DOCK9: variants seen among roughly 807,000 people sequenced by gnomAD.
DOCK9 encodes dedicator of cytokinesis protein 9.
DOCK9 carries 89 observed loss-of-function variants against 263.3 expected under a neutral mutation model. That is an observed-to-expected ratio of 0.34 (90% CI 0.28 to 0.40). DOCK9 has a LOEUF of 0.40. DOCK9 is among the 10% of genes least tolerant of loss of function. The probability of loss-of-function intolerance (pLI) is 1.00; values close to 1 mark genes in which losing one functional copy is unlikely to be tolerated. For synonymous variants in DOCK9, 976 were observed against 973.1 expected, an observed-to-expected ratio of 1.00 and a Z score of -0.06; for missense variants, 2,140 against 2,603.4, an observed-to-expected ratio of 0.82 and a Z score of 3.87.
intron 1 of DOCK9, among the ~76,000 whole-genome samples, chr13:99,051,923 C>CA (rs1182557186): frequency 7.1e-6 from 1 of 140,662 alleles, no homozygotes; most frequent in Admixed American, 7.0e-5. Flanking sequence ...AATTTGTTCA[C>CA]AAAAACACCA....
chr13:98,901,652 C>T, intron 13 of DOCK9, 126 bp downstream of exon 13: 1 of 1,083,214 alleles, frequency 9.2e-7, no homozygotes, highest in Non-Finnish European at 1.3e-6. Context: ...ATACAGGTAG[C>T]ATATTCTACA....
At chr13:98,948,247 G>C (rs564226727) in intron 2 of DOCK9, among the ~76,000 whole-genome samples, 3 of 152,250 alleles carry the variant, frequency 2.0e-5, no homozygotes, top group East Asian at 1.9e-4. Flanking sequence ...ACATTTTTCT[G>C]TACAATGCTG....
chr13:98,820,152 C>A (rs1726239310), intron 45 of DOCK9, among the ~76,000 whole-genome samples: 1 of 152,162 alleles, frequency 6.6e-6, no homozygotes, highest in Admixed American at 6.5e-5. Context: ...CCAATCAATA[C>A]CTACACTTGT....
intron 7 of DOCK9, among the ~76,000 whole-genome samples, chr13:98,918,592 A>G (rs1256558692): frequency 1.3e-5 from 2 of 152,226 alleles, no homozygotes; most frequent in Non-Finnish European, 2.9e-5. Context: ...TCCAAACGAC[A>G]GTGGAAACTA....
chr13:99,067,605 A>C (rs9554549), intron 1 of DOCK9, among the ~76,000 whole-genome samples: 25,537 of 152,198 alleles, frequency 0.17, 2,608 homozygotes, highest in East Asian at 0.43. Flanking sequence ...GAAAGGAATC[A>C]ACTCTGCAGC....
intron 1 of DOCK9, among the ~76,000 whole-genome samples, chr13:98,972,393 GT>G: frequency 6.8e-6 from 1 of 146,090 alleles, no homozygotes; most frequent in Non-Finnish European, 1.5e-5. Context: ...GTGGATTTTA[GT>G]TTTTAGTTTT....
At chr13:98,891,205 G>C (rs1332066256) in intron 15 of DOCK9, among the ~76,000 whole-genome samples, 4 of 152,138 alleles carry the variant, frequency 2.6e-5, no homozygotes, top group Non-Finnish European at 4.4e-5. Context: ...ATGATAGCTT[G>C]TGGAGCCTCT....
chr13:98,871,073 G>A (rs919789670), intron 27 of DOCK9, among the ~76,000 whole-genome samples: 1 of 152,182 alleles, frequency 6.6e-6, no homozygotes, highest in Non-Finnish European at 1.5e-5. Flanking sequence ...TATAGACTGG[G>A]TGTTAGATGA....
intron 2 of DOCK9, among the ~76,000 whole-genome samples, chr13:98,942,309 G>T (rs2056065541): frequency 6.6e-6 from 1 of 150,388 alleles, no homozygotes; most frequent in Non-Finnish European, 1.5e-5. Context: ...CGCGATCTTG[G>T]CTCACTGCAA....
chr13:98,802,242 G>A (rs1360013209), intron 49 of DOCK9, among the ~76,000 whole-genome samples: 2 of 152,208 alleles, frequency 1.3e-5, no homozygotes, highest in Admixed American at 1.3e-4. Context: ...TTTATCATCT[G>A]TCTCCTCTGG....
At chr13:99,029,916 T>C (rs1263242442) in intron 1 of DOCK9, among the ~76,000 whole-genome samples, 1 of 152,114 alleles carries the variant, frequency 6.6e-6, no homozygotes, top group Non-Finnish European at 1.5e-5. Flanking sequence ...ATAAACAAAA[T>C]GTGGTTTATC....
chr13:98,930,193 T>A lies in DOCK9; in HGVS notation c.308A>T (p.Glu103Val). Residue 103 changes from glutamate (E) to valine (V), a missense_variant, in exon 3 of 53, where the codon GAA becomes GTA. Transcript: ENST00000682017. Reference sequence around the variant, plus strand: ...CTCTGTAACAAACAAGCTCTGTGCTTCCTCTTCCGCCTTCGCAGGCACTGT... The same window carrying A: ...CTCTGTAACAAACAAGCTCTGTGCTACCTCTTCCGCCTTCGCAGGCACTGT... Reference protein sequence around the residue: ...CSTVPAKAEEEAQSLFVTECI... With the variant: ...CSTVPAKAEEVAQSLFVTECI... 6.2e-7 allele frequency: 1 copy of A among 1,611,696 alleles called. No individual in the cohort carries two copies. The highest frequency in any genetic ancestry group is 2.2e-5 in the East Asian group (1 of 44,858).
chr13:98,853,769 G>A (rs1363372378), intron 34 of DOCK9, among the ~76,000 whole-genome samples: 2 of 152,128 alleles, frequency 1.3e-5, no homozygotes, highest in Non-Finnish European at 2.9e-5. Context: ...AGAAGGCACA[G>A]ACCTTTCTCA....
rs140872316 is a variant in DOCK9 at position 98,930,793 on chromosome 13, C to T, written c.244-536G>A. 3.5e-3 allele frequency among the ~76,000 whole-genome samples: 538 copies of T among 152,018 alleles called. 2 individuals carry two copies. Among genetic ancestry groups the T allele is most frequent in the African/African-American group, 0.012 (508 of 41,442 alleles). On this transcript the variant is annotated intron_variant, in intron 2 of 52. Transcript: ENST00000682017. ...CCGAGTAGCTGGGATTACAGGCATG[C>T]GCCACCACGCTCGGTTAATTTTGTA...
At chr13:98,818,990 A>T (rs2092091865) in intron 45 of DOCK9, among the ~76,000 whole-genome samples, 1 of 152,234 alleles carries the variant, frequency 6.6e-6, no homozygotes, top group African/African-American at 2.4e-5. Flanking sequence ...TGCCATCGGT[A>T]TTACCTACCA....
intron 1 of DOCK9, among the ~76,000 whole-genome samples, chr13:99,058,020 C>T (rs1288444039): frequency 6.6e-6 from 1 of 152,040 alleles, no homozygotes; most frequent in East Asian, 1.9e-4. Flanking sequence ...ACGGCCAAAA[C>T]AGAGGGGGAA....
At position 98,888,138 on chromosome 13, in the gene DOCK9, T is replaced by C. The variant is rs775906015; in HGVS notation, c.2043+20A>G. On this transcript the variant is annotated intron_variant, in intron 18 of 52. Transcript: ENST00000682017. ...AAAAATCAGAATTCGTAGGTGAACA[T>C]ATATTAAAAAAAAACAAACCTTAAG... 20 of 1,536,480 alleles carry C rather than the reference T, an allele frequency of 1.3e-5. No individual in the cohort carries two copies. In the Admixed American group the frequency reaches 3.7e-4, roughly 28 times the overall value.
chr13:98,817,082 G>A lies in DOCK9; in HGVS notation c.5131-6791C>T, dbSNP rs184648528. On this transcript the variant is annotated intron_variant, in intron 45 of 52. Transcript: ENST00000682017. The stretch of plus-strand genomic sequence containing the variant: ...CTTATTACTTGGTATTAAAATGATA[G>A]TCTGTGTATCCAAGCAAGATATCTG... 3.3e-4 allele frequency among the ~76,000 whole-genome samples: 50 copies of A among 152,296 alleles called. 1 individual carries two copies. In the East Asian group the frequency reaches 6.4e-3, roughly 19 times the overall value.
intron 39 of DOCK9, among the ~76,000 whole-genome samples, chr13:98,835,958 G>A (rs1305320584): frequency 1.3e-5 from 2 of 151,916 alleles, no homozygotes; most frequent in African/African-American, 2.4e-5. Context: ...GAATGGTCTC[G>A]ATCTCCTGAC....
Sources: allele counts gnomAD v4.1 joint callset (sites outside exome capture counted in the v4.1 genomes callset), GRCh38; gene constraint gnomAD v4.1.1; transcripts MANE v1.5; gene names NCBI Gene and HGNC (gene_info 2026-07-23, HGNC 2026-07-21).